The following AMOTL1 variants were observed in gnomAD, a reference collection of about 807,000 sequenced individuals.
AMOTL1 encodes the protein angiomotin like 1, also known as angiomotin-like protein 1.
Under a neutral mutation model 102.9 loss-of-function variants are expected in AMOTL1, and 45 were observed. The ratio of observed to expected loss-of-function variants is 0.44; its 90% CI spans 0.34 to 0.56. The LOEUF is 0.56. Ranked by LOEUF, AMOTL1 falls within the 20% of genes least tolerant of loss-of-function variation. The pLI, the probability that AMOTL1 is intolerant of heterozygous loss-of-function variation, is 0.01. For synonymous variants in AMOTL1, 481 were observed against 484.7 expected, an observed-to-expected ratio of 0.99 and a Z score of 0.10; for missense variants, 1,114 against 1,225.6, an observed-to-expected ratio of 0.91 and a Z score of 1.36.
rs774463722 is a variant in AMOTL1, at chr11:94,800,209, G to A, written c.1019G>A (p.Gly340Glu). The change falls in exon 3 of 13, where the codon GGG (glycine) becomes GAG (glutamate). Residue 340 changes from glycine (G) to glutamate (E), a missense_variant. Transcript: ENST00000433060. Reference protein sequence around the residue: ...HGLFYGDQHPGMLHEMVKPYP... With the variant: ...HGLFYGDQHPEMLHEMVKPYP... ...CTTTTTTATGGTGACCAGCACCCCGGGATGCTCCACGAGATGGTCAAGCCC... is the reference window on the plus strand; with the variant it reads ...CTTTTTTATGGTGACCAGCACCCCGAGATGCTCCACGAGATGGTCAAGCCC... 6 of 1,613,944 alleles carry A rather than the reference G, an allele frequency of 3.7e-6. No individual in the cohort carries two copies. The highest frequency in any genetic ancestry group is 5.1e-6 in the Non-Finnish European group (6 of 1,179,876).
intron 2 of AMOTL1, among the ~76,000 whole-genome samples, chr11:94,738,281 G>A (rs1177802306): frequency 6.8e-6 from 1 of 147,738 alleles, no homozygotes; most frequent in Admixed American, 6.8e-5. Context: ...TTTTTGAGAC[G>A]GAGTCTTGCT....
intron 3 of AMOTL1, 68 bp from the exon 4 acceptor site, chr11:94,821,462 T>A (rs1190250973): frequency 6.7e-7 from 1 of 1,502,956 alleles, no homozygotes; most frequent in African/African-American, 1.4e-5. Context: ...GTGCCAGTAT[T>A]GTTGGGGCTT....
At chr11:94,857,141 CT>C (rs1382306272) in intron 8 of AMOTL1, among the ~76,000 whole-genome samples, 7 of 152,164 alleles carry the variant, frequency 4.6e-5, no homozygotes, top group Non-Finnish European at 7.3e-5. Flanking sequence ...CCTCAACTTC[CT>C]TGTCTATAAA....
intron 3 of AMOTL1, among the ~76,000 whole-genome samples, chr11:94,806,659 C>T (rs1361152707): frequency 2.0e-5 from 3 of 152,180 alleles, no homozygotes; most frequent in Admixed American, 2.0e-4. Flanking sequence ...TGTGTCCTGA[C>T]AAACGGCTCT....
At chr11:94,763,467 A>G (rs750687464), upstream of AMOTL1, among the ~76,000 whole-genome samples, 3 of 152,214 alleles carry the variant, frequency 2.0e-5, no homozygotes, top group Non-Finnish European at 4.4e-5. Flanking sequence ...AAAACACACT[A>G]GAGTTGACCC....
intron 3 of AMOTL1, among the ~76,000 whole-genome samples, chr11:94,762,511 G>C (rs2135503223): frequency 6.6e-6 from 1 of 152,274 alleles, no homozygotes; most frequent in Non-Finnish European, 1.5e-5. Context: ...ATGTCAGAGG[G>C]CCAGGGTTGA....
In AMOTL1 at chr11:94,866,123, C is replaced by A; in HGVS notation, c.2443C>A (p.Leu815Met). ...CCAGACCTCTCTTACCAGCAGCCAGCTGGCTGAGGAAAAGAAGGAAGAGAA... is the reference window on the plus strand; with the variant it reads ...CCAGACCTCTCTTACCAGCAGCCAGATGGCTGAGGAAAAGAAGGAAGAGAA... ...SRQTSLTSSQLAEEKKEEKTW... is the reference protein window; with the variant it reads ...SRQTSLTSSQMAEEKKEEKTW... Residue 815 changes from leucine (L) to methionine (M), a missense_variant, in exon 11 of 13, where the codon CTG (leucine) becomes ATG (methionine). Coordinates refer to ENST00000433060, the MANE Select transcript of AMOTL1 (RefSeq NM_130847.3). 1 of 1,613,970 alleles carries A rather than the reference C, an allele frequency of 6.2e-7. No individual in the cohort carries two copies. The highest frequency in any genetic ancestry group is 8.5e-7 in the Non-Finnish European group (1 of 1,179,892).
At chr11:94,789,225 C>A (rs1265391748) in intron 1 of AMOTL1, among the ~76,000 whole-genome samples, 1 of 152,206 alleles carries the variant, frequency 6.6e-6, no homozygotes, top group Non-Finnish European at 1.5e-5. Context: ...GTGGCGCAGT[C>A]TTGGCTCACT....
upstream of AMOTL1, chr11:94,768,247 C>A: frequency 8.3e-7 from 1 of 1,202,890 alleles, no homozygotes; most frequent in South Asian, 3.0e-5. Flanking sequence ...GGCTCTAGGG[C>A]CCAGCGGCCG....
chr11:94,796,803 G>T (rs1351829116), intron 2 of AMOTL1, among the ~76,000 whole-genome samples: 1 of 152,050 alleles, frequency 6.6e-6, no homozygotes, highest in Non-Finnish European at 1.5e-5. Context: ...ATGTAGGAGG[G>T]ATGTGATCCT....
intron 2 of AMOTL1, among the ~76,000 whole-genome samples, chr11:94,737,758 G>T (rs1016582318): frequency 6.6e-6 from 1 of 152,234 alleles, no homozygotes; most frequent in South Asian, 2.1e-4. Context: ...AAAACCTGCT[G>T]TTAGGATCTA....
In AMOTL1 at chr11:94,768,536, G is replaced by A. The variant is rs1419402397; in HGVS notation, c.25G>A (p.Gly9Arg). The A allele has an allele frequency of 3.1e-6, 5 of 1,601,828 alleles. No homozygotes were observed. Among genetic ancestry groups the A allele is most frequent in the African/African-American group, 2.7e-5 (2 of 74,596 alleles). ...CATGTGGAGGGCAAAGTTGCGCCGG[G>A]GAACTTGTGAGCCTGCGGTGAAAGG... is the stretch of plus-strand genomic sequence containing the variant. MWRAKLRRGTCEPAVKGSP... is the reference protein window; with the variant it reads MWRAKLRRRTCEPAVKGSP... The change falls in exon 1 of 13, where the codon GGA (glycine) becomes AGA (arginine). Residue 9 changes from glycine to arginine, a missense_variant. Transcript: ENST00000433060.
At chr11:94,785,943 C>T (rs1434892611) in intron 1 of AMOTL1, among the ~76,000 whole-genome samples, 1 of 152,322 alleles carries the variant, frequency 6.6e-6, no homozygotes. Flanking sequence ...TACTTGTTCA[C>T]TCTCAGTGGG....
chr11:94,866,741 T>C (rs1223570089), intron 11 of AMOTL1: 1 of 162,322 alleles, frequency 6.2e-6, no homozygotes, highest in Non-Finnish European at 1.4e-5. Flanking sequence ...GGGAGGACAG[T>C]GTCTGCCTGC....
chr11:94,718,612 T>C (rs1950130605), intron 1 of AMOTL1, among the ~76,000 whole-genome samples: 1 of 151,970 alleles, frequency 6.6e-6, no homozygotes, highest in South Asian at 2.1e-4. Flanking sequence ...ATTTTGCCAA[T>C]GTGATAAGTG....
chr11:94,863,899 C>G (rs1952823914), intron 9 of AMOTL1, among the ~76,000 whole-genome samples: 1 of 152,196 alleles, frequency 6.6e-6, no homozygotes, highest in Non-Finnish European at 1.5e-5. Flanking sequence ...CCCTTGCCCT[C>G]ACTGCACCCA....
chr11:94,823,909 C>T lies in AMOTL1; in HGVS notation c.1413+2088C>T, dbSNP rs192392059. On this transcript the variant is annotated intron_variant, in intron 4 of 12. Coordinates refer to ENST00000433060, the MANE Select transcript of AMOTL1 (RefSeq NM_130847.3). ...TTTTTTTTTTGTATTTTAGTAGAGA[C>T]GGGGTTTCACCATGTTGGCCAGGAT... Among the ~76,000 whole-genome samples the T allele has an allele frequency of 4.2e-3, 637 of 151,674 alleles. 12 individuals are homozygous for T. The highest frequency in any genetic ancestry group is 0.035 in the South Asian group (167 of 4,778).
At chr11:94,815,034 A>T (rs936559137) in intron 3 of AMOTL1, among the ~76,000 whole-genome samples, 1 of 152,228 alleles carries the variant, frequency 6.6e-6, no homozygotes, top group Non-Finnish European at 1.5e-5. Flanking sequence ...AGAAAAAAGT[A>T]GACTTTGAGC....
chr11:94,733,309 C>G (rs1173181623), intron 2 of AMOTL1, among the ~76,000 whole-genome samples: 1 of 152,208 alleles, frequency 6.6e-6, no homozygotes, highest in Non-Finnish European at 1.5e-5. Flanking sequence ...ATAATGGAAT[C>G]CATTATCTGT....
Sources: gnomAD v4.1 joint callset for allele counts (sites outside exome capture counted in the v4.1 genomes callset) on GRCh38, gnomAD v4.1.1 for gene constraint, MANE v1.5 for transcripts, NCBI Gene and HGNC (gene_info 2026-07-23, HGNC 2026-07-21) for gene names.